PRDM5: variants seen among roughly 807,000 people sequenced by gnomAD.
The protein encoded by PRDM5 is PR domain zinc finger protein 5.
A neutral mutation model predicts 81.2 loss-of-function variants in PRDM5; 56 were observed. That is an observed-to-expected ratio of 0.69 (90% CI 0.56 to 0.86). PRDM5 has a LOEUF of 0.86. Among genes scored for constraint, PRDM5 ranks in the 40% least tolerant of loss-of-function variants. The pLI is 0.00. For synonymous variants in PRDM5, 267 were observed against 256.4 expected (o/e 1.04, Z -0.39); for missense variants, 697 against 770.1 (o/e 0.91, Z 1.12).
intron 14 of PRDM5, among the ~76,000 whole-genome samples, chr4:120,718,065 G>A (rs1171608845): frequency 2.6e-5 from 4 of 152,188 alleles, no homozygotes; most frequent in Admixed American, 2.6e-4. Flanking sequence ...ATATAATCAT[G>A]AGTTTGCTTA....
chr4:120,808,834 G>A (rs1753397841), intron 8 of PRDM5, among the ~76,000 whole-genome samples: 1 of 152,202 alleles, frequency 6.6e-6, no homozygotes, highest in Non-Finnish European at 1.5e-5. Context: ...ACTGCCCAGG[G>A]TTTGCGGGCT....
rs144777360 is a variant in PRDM5 at position 120,913,519 on chromosome 4, C to T, written c.94-5962G>A. Among the ~76,000 whole-genome samples, 461 of 152,292 alleles carry T rather than the reference C, an allele frequency of 3.0e-3. 1 individual carries two copies. Among genetic ancestry groups the T allele is most frequent in the African/African-American group, 0.011 (439 of 41,554 alleles). On this transcript the variant is annotated intron_variant, in intron 1 of 15. Transcript: ENST00000264808. ...AAATGGAATTATTCTTTATGAAATG[C>T]ATCACTTATGAAATAATACAAAACG...
intron 1 of PRDM5, among the ~76,000 whole-genome samples, 193 bp downstream of exon 1, chr4:120,922,323 G>T (rs1725054333): frequency 6.6e-6 from 1 of 151,968 alleles, no homozygotes; most frequent in African/African-American, 2.4e-5. Flanking sequence ...TGCCTGCTCG[G>T]GTGGCGCAGC....
downstream of PRDM5, among the ~76,000 whole-genome samples, chr4:120,690,424 C>T (rs925227282): frequency 3.9e-5 from 6 of 152,098 alleles, no homozygotes; most frequent in Admixed American, 1.3e-4. Context: ...ACAAAGCCAT[C>T]ATCGCGGACT....
At chr4:120,712,928 C>T (rs1409239596) in intron 14 of PRDM5, among the ~76,000 whole-genome samples, 1 of 152,160 alleles carries the variant, frequency 6.6e-6, no homozygotes, top group African/African-American at 2.4e-5. Flanking sequence ...ATCTTGTACA[C>T]TTGAATATAG....
At chr4:120,821,743 TAA>T (rs35419987) in intron 3 of PRDM5, among the ~76,000 whole-genome samples, 3 of 138,156 alleles carry the variant, frequency 2.2e-5, no homozygotes, top group African/African-American at 2.7e-5. Context: ...ACACAAAACT[TAA>T]AAAAAAAAAA....
chr4:120,800,031 A>T (rs1751909730), intron 8 of PRDM5, among the ~76,000 whole-genome samples: 1 of 152,352 alleles, frequency 6.6e-6, no homozygotes, highest in Non-Finnish European at 1.5e-5. Flanking sequence ...AAAAAATTAC[A>T]CCTAATATAT....
chr4:120,732,286 A>C (rs1561008840), intron 14 of PRDM5, among the ~76,000 whole-genome samples: 1 of 152,252 alleles, frequency 6.6e-6, no homozygotes, highest in Non-Finnish European at 1.5e-5. Flanking sequence ...AACTCAGTAC[A>C]TAGTATATAA....
intron 2 of PRDM5, among the ~76,000 whole-genome samples, chr4:120,883,363 C>A (rs1472945442): frequency 6.6e-6 from 1 of 152,062 alleles, no homozygotes; most frequent in Non-Finnish European, 1.5e-5. Context: ...CTGACTACCA[C>A]TAGTTTAATG....
chr4:120,833,545 T>C (rs1263488172), intron 3 of PRDM5, among the ~76,000 whole-genome samples: 1 of 152,206 alleles, frequency 6.6e-6, no homozygotes, highest in Non-Finnish European at 1.5e-5. Context: ...ATGCTGAGAT[T>C]GATAACATCT....
At chr4:120,903,834 C>T (rs1294722088) in intron 2 of PRDM5, among the ~76,000 whole-genome samples, 1 of 152,156 alleles carries the variant, frequency 6.6e-6, no homozygotes, top group Non-Finnish European at 1.5e-5. Flanking sequence ...GCCTCTGCTT[C>T]TCCTTTGCCT....
intron 3 of PRDM5, among the ~76,000 whole-genome samples, chr4:120,835,086 G>A (rs948609205): frequency 1.3e-5 from 2 of 152,164 alleles, no homozygotes; most frequent in African/African-American, 4.8e-5. Context: ...AAAAATTGTT[G>A]AGCACTTATG....
At chr4:120,855,915 C>T (rs1447309467) in intron 2 of PRDM5, among the ~76,000 whole-genome samples, 2 of 152,206 alleles carry the variant, frequency 1.3e-5, no homozygotes, top group Non-Finnish European at 2.9e-5. Flanking sequence ...CTTAATCATA[C>T]ATTTGTCACT....
At chr4:120,742,980 G>C (rs1376338077) in intron 14 of PRDM5, among the ~76,000 whole-genome samples, 1 of 151,852 alleles carries the variant, frequency 6.6e-6, no homozygotes, top group African/African-American at 2.4e-5. Context: ...ATAATTGTCA[G>C]ATTCACCAAA....
At chr4:120,695,681 T>C (rs1202299162) in intron 15 of PRDM5, among the ~76,000 whole-genome samples, 1 of 152,106 alleles carries the variant, frequency 6.6e-6, no homozygotes, top group East Asian at 1.9e-4. Context: ...ACACTATTTC[T>C]TTTTTCTATT....
intron 14 of PRDM5, among the ~76,000 whole-genome samples, chr4:120,713,567 C>T (rs550170734): frequency 1.3e-5 from 2 of 152,176 alleles, no homozygotes; most frequent in African/African-American, 4.8e-5. Flanking sequence ...CCTGGTACTA[C>T]TTTAAAAGTT....
intron 3 of PRDM5, among the ~76,000 whole-genome samples, chr4:120,851,510 A>G (rs1759274724): frequency 6.6e-6 from 1 of 151,988 alleles, no homozygotes; most frequent in Non-Finnish European, 1.5e-5. Flanking sequence ...GGTTGGATCA[A>G]TGGCCATCAT....
At chr4:120,741,709 G>T (rs866712669) in intron 14 of PRDM5, among the ~76,000 whole-genome samples, 1 of 152,058 alleles carries the variant, frequency 6.6e-6, no homozygotes, top group Non-Finnish European at 1.5e-5. Flanking sequence ...CGAATACTGC[G>T]CTTTTCCGAC....
chr4:120,759,960 T>C (rs1294487649), intron 13 of PRDM5, among the ~76,000 whole-genome samples: 1 of 152,186 alleles, frequency 6.6e-6, no homozygotes, highest in Non-Finnish European at 1.5e-5. Flanking sequence ...TTAACACACA[T>C]TAGCAATTTT....
Sources: allele counts gnomAD v4.1 joint callset (sites outside exome capture counted in the v4.1 genomes callset), GRCh38; gene constraint gnomAD v4.1.1; transcripts MANE v1.5; gene names NCBI Gene and HGNC (gene_info 2026-07-23, HGNC 2026-07-21).